The following SIN3B variants were observed in gnomAD, a reference collection of about 807,000 sequenced individuals.
SIN3B encodes the protein paired amphipathic helix protein Sin3b.
A neutral mutation model predicts 120.2 loss-of-function variants in SIN3B; 19 were observed. The observed-to-expected ratio is 0.16, with a 90% CI of 0.11 to 0.23. The LOEUF (loss-of-function observed/expected upper bound fraction) is 0.23, where lower values mean the gene tolerates loss of function less well. SIN3B is among the 10% of genes least tolerant of loss of function. The probability of loss-of-function intolerance (pLI) is 1.00; values close to 1 mark genes in which losing one functional copy is unlikely to be tolerated. For synonymous variants in SIN3B, 654 were observed against 653.2 expected, an observed-to-expected ratio of 1.00 and a Z score of -0.02; for missense variants, 1,073 against 1,573.0, an observed-to-expected ratio of 0.68 and a Z score of 5.38.
chr19:16,861,620 G>A (rs1323200703), intron 8 of SIN3B, among the ~76,000 whole-genome samples: 2 of 151,998 alleles, frequency 1.3e-5, no homozygotes, highest in Non-Finnish European at 1.5e-5. Flanking sequence ...AAAATTAGCC[G>A]GGCATGGTGG....
chr19:16,851,587 G>A lies in SIN3B; in HGVS notation c.849+53G>A, dbSNP rs937227501. The A allele has an allele frequency of 3.0e-5, 46 of 1,519,080 alleles. No homozygotes were observed. The South Asian group carries it at 3.1e-4, about 10-fold the overall frequency. The allele number at this position is 1,519,080 out of a possible 1,614,324, so 94.1% of individuals were successfully genotyped here. ...CTGCACGCGGGGCCCCCAGCAAATCGGGCCTTCCCAGCATGTGACCAGGGA... is the reference window on the plus strand; with the variant it reads ...CTGCACGCGGGGCCCCCAGCAAATCAGGCCTTCCCAGCATGTGACCAGGGA... On this transcript the variant is annotated intron_variant, in intron 6 of 18. Coordinates refer to ENST00000248054, the MANE Select transcript of SIN3B (RefSeq NM_001297595.2).
rs757242128 is a variant in SIN3B, at chr19:16,878,206, G to A, written c.2978G>A (p.Arg993Gln). 33 of 1,584,374 alleles carry A rather than the reference G, an allele frequency of 2.1e-5. 1 individual carries two copies. The highest frequency in any genetic ancestry group is 3.4e-5 in the South Asian group (3 of 87,684). ...AGGAACCTCAAGAAGTTCCGCCGCC[G>A]GTGGCAGAGCGAGCAGGCGCGGGCC... ...LQRNLKKFRR[R>Q]WQSEQARALR... The change falls in exon 18 of 19, where the codon CGG becomes CAG. Residue 993 changes from arginine to glutamine, a missense_variant. Arg to Gln is a conservative substitution (Grantham distance 43). Transcript: ENST00000248054.
Position 16,854,200 on chromosome 19 carries a change from C to G in SIN3B, c.997C>G (p.Leu333Val). The change falls in exon 8 of 19, where the codon CTC becomes GTC. Residue 333 changes from leucine (L) to valine (V), a missense_variant. Physicochemically the swap from Leu to Val is conservative, Grantham distance 32 (BLOSUM62 1). Coordinates refer to ENST00000248054, the MANE Select transcript of SIN3B (RefSeq NM_001297595.2). ...TGAAAACTTCCTCCGCTGCATCGCA[C>G]TCTTCAACCAGGAGCTGGTGTCTGG... Reference protein sequence around the residue: ...VYENFLRCIALFNQELVSGSE... With the variant: ...VYENFLRCIAVFNQELVSGSE... 6.2e-7 allele frequency: 1 copy of G among 1,613,146 alleles called. No homozygotes were observed. The highest frequency in any genetic ancestry group is 8.5e-7 in the Non-Finnish European group (1 of 1,179,990).
rs1053413041 is a variant in SIN3B, at chr19:16,862,437, G to A, written c.1144G>A (p.Gly382Arg). ...SFAPPMSDRS[G>R]DGISREIDYA... is the part of the protein sequence containing the mutation. ...CGCGCCACCCATGAGCGACAGATCC[G>A]GGGACGGGATAAGCCGGGAAATTGA... The change falls in exon 9 of 19, where the codon GGG (glycine) becomes AGG (arginine). Residue 382 changes from glycine (G) to arginine (R), a missense_variant. This residue lies in a region of SIN3B where 395 missense variants were observed against 528.0 expected (regional missense o/e 0.75). Transcript: ENST00000248054. This position sits in a 1 kb window ranked among gnomAD's most constrained non-coding sequence, Gnocchi z 4.7. 12 of 1,614,044 alleles carry A rather than the reference G, an allele frequency of 7.4e-6. No homozygotes were observed. Among genetic ancestry groups the A allele is most frequent in the Non-Finnish European group, 1.0e-5 (12 of 1,180,038 alleles).
intron 12 of SIN3B, among the ~76,000 whole-genome samples, 158 bp from the exon 13 acceptor site, chr19:16,869,302 C>A (rs533844995): frequency 1.3e-5 from 2 of 152,188 alleles, no homozygotes; most frequent in African/African-American, 4.8e-5. Context: ...CGACCTACCC[C>A]CCAGGCCCTG....
chr19:16,849,865 A>C (rs1052380880), intron 5 of SIN3B, among the ~76,000 whole-genome samples: 21 of 151,874 alleles, frequency 1.4e-4, no homozygotes, highest in Non-Finnish European at 1.5e-5. Context: ...CTGAAGCAAG[A>C]GAATCACTTG....
intron 8 of SIN3B, among the ~76,000 whole-genome samples, chr19:16,858,778 C>T (rs528607274): frequency 6.6e-6 from 1 of 152,138 alleles, no homozygotes; most frequent in Non-Finnish European, 1.5e-5. Context: ...GGTGAAACCC[C>T]TTCTCTACTA....
chr19:16,843,037 C>T (rs1266732990), intron 4 of SIN3B, among the ~76,000 whole-genome samples: 25 of 152,292 alleles, frequency 1.6e-4, no homozygotes, highest in African/African-American at 5.1e-4. Context: ...GGGGCTTAGA[C>T]GTCCTCTTCA....
intron 8 of SIN3B, among the ~76,000 whole-genome samples, chr19:16,857,946 A>T (rs1279207727): frequency 1.3e-5 from 2 of 152,038 alleles, no homozygotes; most frequent in Non-Finnish European, 2.9e-5. Flanking sequence ...GTGCGATCTC[A>T]GCTCACTGCA....
At chr19:16,859,265 A>G (rs982093189) in intron 8 of SIN3B, among the ~76,000 whole-genome samples, 7 of 152,292 alleles carry the variant, frequency 4.6e-5, no homozygotes, top group African/African-American at 1.2e-4. Context: ...TCCAGCCCCA[A>G]AGCCAGCCCT....
chr19:16,833,854 G>A (rs1168472893), intron 3 of SIN3B, among the ~76,000 whole-genome samples: 1 of 151,642 alleles, frequency 6.6e-6, no homozygotes, highest in Non-Finnish European at 1.5e-5. Context: ...GTGCTGAGTA[G>A]CTGGGATTAC....
chr19:16,839,931 G>T (rs1971396071), intron 3 of SIN3B, among the ~76,000 whole-genome samples: 1 of 152,084 alleles, frequency 6.6e-6, no homozygotes, highest in South Asian at 2.1e-4. Flanking sequence ...TTGAACCCGG[G>T]AGGCAAAGGT....
rs140434337 is a variant in SIN3B, at chr19:16,874,324, G to T, written c.2593-1731G>T. Among the ~76,000 whole-genome samples, 1,305 of 152,216 alleles carry T rather than the reference G, an allele frequency of 8.6e-3. 15 individuals carry two copies. Among genetic ancestry groups the T allele is most frequent in the African/African-American group, 0.03 (1,246 of 41,538 alleles). On this transcript the variant is annotated intron_variant, in intron 14 of 18. Coordinates refer to ENST00000248054, the MANE Select transcript of SIN3B (RefSeq NM_001297595.2). ...TCTGGTCTGGTCTAGTTTTGGTCTG[G>T]TCTGGTCTGGTCTAGTTTTGGTCTG...
chr19:16,853,773 G>T (rs1971576077), intron 7 of SIN3B, among the ~76,000 whole-genome samples: 1 of 150,662 alleles, frequency 6.6e-6, no homozygotes, highest in Admixed American at 6.6e-5. Context: ...TGCAGGGGCT[G>T]TGTGAATTGC....
rs796183185 is a variant in SIN3B, at chr19:16,834,260, T to C, written c.381+2613T>C. Among the ~76,000 whole-genome samples the C allele has an allele frequency of 3.0e-4, 45 of 152,296 alleles. 1 individual carries two copies. The highest frequency in any genetic ancestry group is 1.1e-3 in the African/African-American group (44 of 41,572). ...TGCAGAGCCTGAATGCTGTGGAAAC[T>C]CTGGGTCTCGTTCCTGTCACTCACT... is the stretch of plus-strand genomic sequence containing the variant. On this transcript the variant is annotated intron_variant, in intron 3 of 18. Coordinates refer to ENST00000248054, the MANE Select transcript of SIN3B (RefSeq NM_001297595.2).
intron 14 of SIN3B, among the ~76,000 whole-genome samples, chr19:16,872,083 A>C (rs1295620295): frequency 2.6e-5 from 4 of 152,086 alleles, no homozygotes; most frequent in African/African-American, 9.7e-5. Context: ...GTCCCAGACG[A>C]GCTGGGTGTG....
intron 3 of SIN3B, among the ~76,000 whole-genome samples, chr19:16,837,295 G>C (rs924638438): frequency 6.6e-6 from 1 of 152,062 alleles, no homozygotes; most frequent in Admixed American, 6.6e-5. Flanking sequence ...AGAATGAGGG[G>C]TCAGGAGGCC....
At chr19:16,863,475 A>G (rs977974265) in intron 9 of SIN3B, 1 of 576,078 alleles carries the variant, frequency 1.7e-6, no homozygotes, top group African/African-American at 1.9e-5. Context: ...TTCTGGAACC[A>G]ATCTCCCAGG....
At chr19:16,830,166 C>G (rs1293676765) in intron 2 of SIN3B, among the ~76,000 whole-genome samples, 1 of 152,212 alleles carries the variant, frequency 6.6e-6, no homozygotes, top group African/African-American at 2.4e-5. Flanking sequence ...AGAGTCAAAT[C>G]CTGCCTTGAT....
Sources: allele counts gnomAD v4.1 joint callset (sites outside exome capture counted in the v4.1 genomes callset), GRCh38; gene constraint gnomAD v4.1.1; regional missense constraint gnomAD v4.1.1; non-coding constraint Gnocchi (gnomAD v3.1); transcripts MANE v1.5; gene names NCBI Gene and HGNC (gene_info 2026-07-23, HGNC 2026-07-21).